The following PCDHA10 variants were observed in gnomAD, a reference collection of about 807,000 sequenced individuals.
PCDHA10 encodes the protein protocadherin alpha 10.
PCDHA10 carries 45 observed loss-of-function variants against 61.2 expected under a neutral mutation model. The observed-to-expected ratio is 0.74, with a 90% CI of 0.58 to 0.94. The LOEUF is 0.94. PCDHA10 is among the 40% of genes least tolerant of loss of function. The pLI is 0.00. For synonymous variants in PCDHA10, 602 were observed against 548.8 expected, an observed-to-expected ratio of 1.10 and a Z score of -1.35; for missense variants, 1,278 against 1,236.2, an observed-to-expected ratio of 1.03 and a Z score of -0.51.
chr5:140,939,798 C>A (rs2092461303), intron 1 of PCDHA10, among the ~76,000 whole-genome samples: 1 of 152,138 alleles, frequency 6.6e-6, no homozygotes, highest in African/African-American at 2.4e-5. Flanking sequence ...TATAAATGTT[C>A]TGCATGTTCA....
At chr5:140,926,685 A>C in intron 1 of PCDHA10, 1 of 665,408 alleles carries the variant, frequency 1.5e-6, no homozygotes, top group Non-Finnish European at 2.3e-6. Context: ...CCTCCAGCCT[A>C]GCAAGCCCGG....
intron 1 of PCDHA10, chr5:140,884,152 T>C (rs1279761986): frequency 1.9e-6 from 3 of 1,613,332 alleles, no homozygotes; most frequent in East Asian, 2.2e-5. Flanking sequence ...GGCTGTACAC[T>C]GGCGAGATCA....
At chr5:140,891,371 T>C (rs1483919316) in intron 1 of PCDHA10, among the ~76,000 whole-genome samples, 1 of 152,146 alleles carries the variant, frequency 6.6e-6, no homozygotes, top group Non-Finnish European at 1.5e-5. Flanking sequence ...CAGTATACAT[T>C]GCACCATATT....
At chr5:140,919,376 CAT>C (rs1245050758) in intron 1 of PCDHA10, among the ~76,000 whole-genome samples, 1 of 152,192 alleles carries the variant, frequency 6.6e-6, no homozygotes, top group Non-Finnish European at 1.5e-5. Context: ...GCAGACAACA[CAT>C]AGTTGGATGT....
intron 2 of PCDHA10, 103 bp downstream of exon 2, chr5:140,979,110 C>G (rs1223081047): frequency 4.6e-5 from 69 of 1,515,610 alleles, no homozygotes; most frequent in Non-Finnish European, 5.9e-5. Flanking sequence ...AACTAAAAAG[C>G]TTTAGGTACT....
chr5:140,941,251 CTTTCTCTT>C (rs1456097006), intron 1 of PCDHA10, among the ~76,000 whole-genome samples: 2 of 121,786 alleles, frequency 1.6e-5, no homozygotes, highest in Non-Finnish European at 3.5e-5. Context: ...TTCTTTCTTT[CTTTCTCTT>C]TCTTTCTTTC....
intron 1 of PCDHA10, chr5:140,968,016 A>G: frequency 6.2e-7 from 1 of 1,613,240 alleles, no homozygotes; most frequent in Non-Finnish European, 8.5e-7. Flanking sequence ...GGCTTTGGAA[A>G]CTCCTATACA....
chr5:140,985,421 G>T (rs1554247049), intron 3 of PCDHA10, among the ~76,000 whole-genome samples: 1 of 152,110 alleles, frequency 6.6e-6, no homozygotes, highest in African/African-American at 2.4e-5. Context: ...GGAGTGAGGA[G>T]GATTTATTAG....
chr5:140,948,709 CT>C (rs144736017), intron 1 of PCDHA10, among the ~76,000 whole-genome samples: 2,043 of 151,408 alleles, frequency 0.013, 38 homozygotes, highest in African/African-American at 0.047. Context: ...GTGTTCTATC[CT>C]CTTTTTTATC....
At chr5:140,869,781 T>G in intron 1 of PCDHA10, 1 of 1,612,992 alleles carries the variant, frequency 6.2e-7, no homozygotes, top group African/African-American at 1.3e-5. Context: ...CTGGCACCGT[T>G]CGGCTGTTAG....
At chr5:140,886,253 T>G (rs2060912572) in intron 1 of PCDHA10, among the ~76,000 whole-genome samples, 1 of 152,034 alleles carries the variant, frequency 6.6e-6, no homozygotes, top group African/African-American at 2.4e-5. Context: ...TAAAAGTATC[T>G]CTATTTATAG....
intron 1 of PCDHA10, chr5:140,876,854 C>CA (rs1554169042): frequency 6.2e-7 from 1 of 1,613,994 alleles, no homozygotes; most frequent in Non-Finnish European, 8.5e-7. Context: ...CCCGAGTACA[C>CA]AGTGTTCGTG....
intron 3 of PCDHA10, among the ~76,000 whole-genome samples, chr5:140,989,551 C>A (rs964653534): frequency 1.3e-5 from 2 of 152,178 alleles, no homozygotes; most frequent in Non-Finnish European, 2.9e-5. Context: ...AATTCCTTTA[C>A]GTTTTGTGGC....
chr5:140,970,157 C>T (rs2096386547), intron 1 of PCDHA10, among the ~76,000 whole-genome samples: 2 of 152,176 alleles, frequency 1.3e-5, no homozygotes, highest in African/African-American at 4.8e-5. Context: ...TCCCAATAGT[C>T]ACCTTTCTTG....
rs373922357 is a variant in PCDHA10, at chr5:140,927,079, G to C, written c.2389-51870G>C. On this transcript the variant is annotated intron_variant, in intron 1 of 3. Coordinates refer to ENST00000307360, the MANE Select transcript of PCDHA10 (RefSeq NM_018901.4). ...CTTTCGCTTCCTTTCCAGCCACCGC[G>C]AGCTCTACTTCGGGGTGGATCTACC... The C allele has an allele frequency of 2.5e-6, 4 of 1,610,870 alleles. No individual in the cohort carries two copies. In the African/African-American group the frequency reaches 5.3e-5, roughly 22 times the overall value.
chr5:140,881,398 AT>A (rs1269168835), intron 1 of PCDHA10: 1 of 975,426 alleles, frequency 1.0e-6, no homozygotes, highest in Non-Finnish European at 1.2e-6. Context: ...GTTAAATTCT[AT>A]TAAATCAATA....
At chr5:140,862,065 G>T (rs2047192939) in intron 1 of PCDHA10, 1 of 155,768 alleles carries the variant, frequency 6.4e-6, no homozygotes, top group African/African-American at 2.4e-5. Flanking sequence ...TGCAACTGAT[G>T]TCTCCCCTAA....
chr5:140,908,456 T>C (rs557022321), intron 1 of PCDHA10, among the ~76,000 whole-genome samples: 2 of 152,174 alleles, frequency 1.3e-5, no homozygotes, highest in South Asian at 4.1e-4. Context: ...GCTAGATGGA[T>C]CAGAAAGCAC....
At position 140,857,986 on chromosome 5, in the gene PCDHA10, A is replaced by G. The variant is rs782102316; in HGVS notation, c.1938A>G (p.Leu646=). 4 of 1,596,686 alleles carry G rather than the reference A, an allele frequency of 2.5e-6. No homozygotes were observed. Among genetic ancestry groups the G allele is most frequent in the East Asian group, 2.2e-5 (1 of 44,786 alleles). Residue 646 remains leucine, a synonymous_variant, in exon 1 of 4, where the codon CTA becomes CTG. Coordinates refer to ENST00000307360, the MANE Select transcript of PCDHA10 (RefSeq NM_018901.4). ...LDETDSPRQR[L]LVLVKDHGEP... ...AGACTGACTCGCCACGCCAGCGCCT[A>G]CTGGTGCTGGTGAAGGACCATGGCG...
Sources: gnomAD v4.1 joint callset for allele counts (sites outside exome capture counted in the v4.1 genomes callset) on GRCh38, gnomAD v4.1.1 for gene constraint, MANE v1.5 for transcripts, NCBI Gene and HGNC (gene_info 2026-07-23, HGNC 2026-07-21) for gene names.